Variants in LIMA1 observed in about 807,000 individuals in gnomAD.
The protein encoded by LIMA1 is LIM domain and actin-binding protein 1.
A neutral mutation model predicts 62.6 loss-of-function variants in LIMA1; 52 were observed. The ratio of observed to expected loss-of-function variants is 0.83; its 90% CI spans 0.67 to 1.05. The LOEUF (loss-of-function observed/expected upper bound fraction) is 1.05. LIMA1 is among the 50% of genes least tolerant of loss of function. The probability of loss-of-function intolerance (pLI) is 0.00; values close to 1 mark genes in which losing one functional copy is unlikely to be tolerated. For missense variants in LIMA1, 780 were observed against 902.2 expected, an observed-to-expected ratio of 0.86 and a Z score of 1.74; for synonymous variants, 302 against 317.8, an observed-to-expected ratio of 0.95 and a Z score of 0.53.
rs769442487 is a variant in LIMA1 at position 50,177,739 on chromosome 12, G to T, written c.1605C>A (p.Pro535=). 2.5e-6 allele frequency: 4 copies of T among 1,613,678 alleles called. No homozygotes were observed. The highest frequency in any genetic ancestry group is 1.6e-4 in the Middle Eastern group (1 of 6,082). The change falls in exon 11 of 11, where the codon CCC becomes CCA. Residue 535 remains proline, a synonymous_variant. Transcript: ENST00000341247. ...CACTTCCTGAACTTCCAAGTTCAGT[G>T]GGGGGTGGCCAGGCGATCCTCAGCT... ...TKKLRIAWPP[P]TELGSSGSAL... is the part of the protein sequence containing the mutation.
intron 1 of LIMA1, among the ~76,000 whole-genome samples, chr12:50,281,309 C>T (rs1316437199): frequency 2.0e-5 from 3 of 152,106 alleles, no homozygotes; most frequent in Non-Finnish European, 4.4e-5. Context: ...TCCCCACCCA[C>T]CTATCTACCC....
rs1025476590 is a variant in LIMA1 at position 50,275,238 on chromosome 12, G to A, written c.-24+8182C>T. 2.0e-5 allele frequency among the ~76,000 whole-genome samples: 3 copies of A among 151,866 alleles called. 1 individual carries two copies. Among genetic ancestry groups the A allele is most frequent in the Admixed American group, 2.0e-4 (3 of 15,246 alleles). ...CAAAATTAGCCAGGCGTGGTGGCGCGTGCCTGTAGTCCCAGCTACTCCGGA... is the reference window on the plus strand; with the variant it reads ...CAAAATTAGCCAGGCGTGGTGGCGCATGCCTGTAGTCCCAGCTACTCCGGA... On this transcript the variant is annotated intron_variant, in intron 1 of 10. Transcript: ENST00000341247.
intron 1 of LIMA1, among the ~76,000 whole-genome samples, chr12:50,268,594 A>AATTATTATT (rs140101130): frequency 0.038 from 5,702 of 149,172 alleles, 341 homozygotes; most frequent in African/African-American, 0.13. Flanking sequence ...GCCATGAAGC[A>AATTATTATT]ATTATTATTA....
At position 50,181,891 on chromosome 12, in the gene LIMA1, T is replaced by G; in HGVS notation, c.1274+13A>C. The G allele has an allele frequency of 6.2e-7, 1 of 1,614,076 alleles. No individual in the cohort carries two copies. Among genetic ancestry groups the G allele is most frequent in the Non-Finnish European group, 8.5e-7 (1 of 1,179,978 alleles). ...CCAGTTATAGACAGATGGCTTGTTT[T>G]GGGCTGACTTACCTGAGTTTGTTGT... On this transcript the variant is annotated intron_variant, in intron 10 of 10. Coordinates refer to ENST00000341247, the MANE Select transcript of LIMA1 (RefSeq NM_016357.5).
chr12:50,202,886 G>C (rs1941079358), intron 6 of LIMA1, among the ~76,000 whole-genome samples: 1 of 151,974 alleles, frequency 6.6e-6, no homozygotes, highest in South Asian at 2.1e-4. Flanking sequence ...AGAGATTAAT[G>C]GTTTGTAATT....
intron 1 of LIMA1, among the ~76,000 whole-genome samples, chr12:50,255,928 C>T (rs532043871): frequency 1.3e-5 from 2 of 151,664 alleles, no homozygotes; most frequent in Non-Finnish European, 2.9e-5. Context: ...CTCACTCTGT[C>T]GCCCAGGCTA....
chr12:50,185,469 C>T (rs1293168772), intron 9 of LIMA1: 3 of 456,130 alleles, frequency 6.6e-6, no homozygotes, highest in Admixed American at 4.7e-5. Flanking sequence ...CAAACAGGAA[C>T]CTTCAATGAA....
chr12:50,191,778 C>A (rs1458873315), intron 9 of LIMA1, among the ~76,000 whole-genome samples: 2 of 152,040 alleles, frequency 1.3e-5, no homozygotes, highest in African/African-American at 4.8e-5. Flanking sequence ...GCCAAGATAG[C>A]GCCACTGCAC....
intron 3 of LIMA1, chr12:50,224,241 G>A (rs1941493440): frequency 6.6e-6 from 1 of 152,030 alleles, no homozygotes; most frequent in African/African-American, 2.4e-5. Flanking sequence ...AGCTATTTTG[G>A]GAATTAAGTC....
intron 6 of LIMA1, chr12:50,201,273 C>T (rs899338086): frequency 9.9e-7 from 1 of 1,008,826 alleles, no homozygotes; most frequent in Non-Finnish European, 1.2e-6. Context: ...AAAGGAGATG[C>T]CAAGTGCCAA....
chr12:50,261,478 T>G (rs1375328485), intron 1 of LIMA1, among the ~76,000 whole-genome samples: 1 of 152,146 alleles, frequency 6.6e-6, no homozygotes, highest in African/African-American at 2.4e-5. Flanking sequence ...CAAGCCATTC[T>G]CTGAGCACAC....
chr12:50,225,193 C>T (rs769849054), intron 3 of LIMA1, among the ~76,000 whole-genome samples: 4 of 152,018 alleles, frequency 2.6e-5, no homozygotes, highest in Non-Finnish European at 5.9e-5. Flanking sequence ...TGAGCCACTG[C>T]GCCTGGCCCC....
chr12:50,281,084 T>C (rs933291401), intron 1 of LIMA1, among the ~76,000 whole-genome samples: 1 of 152,210 alleles, frequency 6.6e-6, no homozygotes, highest in Non-Finnish European at 1.5e-5. Context: ...TAATAAATTC[T>C]TCCAATTTGT....
At chr12:50,206,880 G>GC (rs140896189) in intron 4 of LIMA1, among the ~76,000 whole-genome samples, 1,991 of 152,224 alleles carry the variant, frequency 0.013, 53 homozygotes, top group African/African-American at 0.044. Context: ...CAGAGACCAT[G>GC]CCTTTTTGTC....
intron 3 of LIMA1, among the ~76,000 whole-genome samples, chr12:50,223,854 A>G (rs972813185): frequency 6.6e-6 from 1 of 152,170 alleles, no homozygotes; most frequent in African/African-American, 2.4e-5. Context: ...CCCGGCCAAC[A>G]CCGTGAAACC....
At chr12:50,231,496 C>A (rs978189612) in intron 3 of LIMA1, among the ~76,000 whole-genome samples, 169 bp downstream of exon 3, 1 of 152,172 alleles carries the variant, frequency 6.6e-6, no homozygotes, top group South Asian at 2.1e-4. Flanking sequence ...AAATAAGATT[C>A]CCTGCACTAA....
At chr12:50,283,279 G>C (rs1352043467) in intron 1 of LIMA1, 141 bp downstream of exon 1, 3 of 151,962 alleles carry the variant, frequency 2.0e-5, no homozygotes, top group African/African-American at 7.3e-5. Context: ...GAGGATCAGC[G>C]TCCCTCGACC....
intron 6 of LIMA1, among the ~76,000 whole-genome samples, chr12:50,203,678 G>T (rs541481261): frequency 1.3e-5 from 2 of 152,280 alleles, no homozygotes; most frequent in South Asian, 4.1e-4. Context: ...CTCCCAAAGT[G>T]CTGGGATTAC....
At chr12:50,215,501 G>T (rs1342580992) in intron 4 of LIMA1, among the ~76,000 whole-genome samples, 1 of 151,902 alleles carries the variant, frequency 6.6e-6, no homozygotes, top group Non-Finnish European at 1.5e-5. Flanking sequence ...AGGCAGTCTC[G>T]CTCTGTCGCC....
Sources: allele counts gnomAD v4.1 joint callset (sites outside exome capture counted in the v4.1 genomes callset), GRCh38; gene constraint gnomAD v4.1.1; transcripts MANE v1.5; gene names NCBI Gene and HGNC (gene_info 2026-07-23, HGNC 2026-07-21).